EPHA3: variants seen among roughly 807,000 people sequenced by gnomAD.
The protein encoded by EPHA3 is ephrin type-A receptor 3.
Under a neutral mutation model 107.1 loss-of-function variants are expected in EPHA3, and 42 were observed. That is an observed-to-expected ratio of 0.39 (90% CI 0.31 to 0.51). The LOEUF (loss-of-function observed/expected upper bound fraction) is 0.51. Among genes scored for constraint, EPHA3 ranks in the 20% least tolerant of loss-of-function variants. The pLI is 0.78. For synonymous variants in EPHA3, 461 were observed against 424.8 expected (o/e 1.09, Z -1.05); for missense variants, 1,183 against 1,211.2 (o/e 0.98, Z 0.35).
intron 3 of EPHA3, among the ~76,000 whole-genome samples, chr3:89,277,317 A>G (rs1488707617): frequency 1.3e-5 from 2 of 152,174 alleles, no homozygotes; most frequent in South Asian, 2.1e-4. Flanking sequence ...CTATAAAGTA[A>G]CAGTATGAGA....
At position 89,481,680 on chromosome 3, in the gene EPHA3, T is replaced by C; in HGVS notation, c.*2178T>C. ...ATACTGTTCTTCATTTTATTAATATTTTTCTCCTTGACCTCTCATAAATTT... is the reference window on the plus strand; with the variant it reads ...ATACTGTTCTTCATTTTATTAATATCTTTCTCCTTGACCTCTCATAAATTT... On this transcript the variant is annotated 3_prime_UTR_variant, in exon 17 of 17. Transcript: ENST00000336596. 1 of 232,184 alleles carries C rather than the reference T, an allele frequency of 4.3e-6. No individual in the cohort carries two copies. The allele number at this position is 232,184 out of a possible 1,614,324, so 14.4% of individuals were successfully genotyped here.
intron 2 of EPHA3, among the ~76,000 whole-genome samples, chr3:89,206,174 AC>A (rs1050698676): frequency 2.0e-5 from 3 of 152,118 alleles, no homozygotes. Flanking sequence ...GCTCCTTGCA[AC>A]CTTTTATGTG....
intron 15 of EPHA3, among the ~76,000 whole-genome samples, chr3:89,455,264 GC>G (rs1163594277): frequency 6.6e-6 from 1 of 152,152 alleles, no homozygotes; most frequent in Non-Finnish European, 1.5e-5. Flanking sequence ...AGTCTGAGGA[GC>G]TGATGTTTGA....
intron 10 of EPHA3, among the ~76,000 whole-genome samples, chr3:89,415,546 T>C (rs1709230668): frequency 6.8e-6 from 1 of 147,824 alleles, no homozygotes; most frequent in African/African-American, 2.5e-5. Flanking sequence ...ATTGATGTTA[T>C]GGAAACTCTC....
chr3:89,335,690 C>T (rs1456007800), intron 3 of EPHA3, among the ~76,000 whole-genome samples: 1 of 152,080 alleles, frequency 6.6e-6, no homozygotes, highest in Non-Finnish European at 1.5e-5. Flanking sequence ...GTTCCTGCCA[C>T]AATTAACTAG....
chr3:89,205,477 T>C (rs1218758205), intron 2 of EPHA3, among the ~76,000 whole-genome samples: 1 of 152,178 alleles, frequency 6.6e-6, no homozygotes, highest in Non-Finnish European at 1.5e-5. Flanking sequence ...ATTTTCAGAA[T>C]GGACTGTCCA....
intron 5 of EPHA3, among the ~76,000 whole-genome samples, chr3:89,345,832 G>A (rs1340481764): frequency 1.6e-5 from 2 of 124,438 alleles, no homozygotes; most frequent in Non-Finnish European, 3.3e-5. Context: ...TGATCTCATT[G>A]TTCAATTCCC....
intron 3 of EPHA3, among the ~76,000 whole-genome samples, chr3:89,218,573 T>G (rs1704274759): frequency 6.6e-6 from 1 of 152,060 alleles, no homozygotes; most frequent in Non-Finnish European, 1.5e-5. Flanking sequence ...TCTTTGCTAT[T>G]GTGAATAGTG....
chr3:89,108,679 C>CA (rs1170270929), intron 1 of EPHA3, among the ~76,000 whole-genome samples: 1 of 152,110 alleles, frequency 6.6e-6, no homozygotes, highest in Non-Finnish European at 1.5e-5. Flanking sequence ...GGTTAAAGTG[C>CA]AAACCTAATG....
chr3:89,286,443 G>A (rs73846125), intron 3 of EPHA3, among the ~76,000 whole-genome samples: 2,448 of 152,130 alleles, frequency 0.016, 58 homozygotes, highest in African/African-American at 0.047. Context: ...TGGCAAAGGC[G>A]AAAGCAGGGA....
rs1230841982 is a variant in EPHA3 at position 89,472,341 on chromosome 3, C to T, written c.2691-123C>T. 6.6e-6 allele frequency: 7 copies of T among 1,057,712 alleles called. No homozygotes were observed. The East Asian group carries it at 1.7e-4, about 26-fold the overall frequency. The allele number at this position is 1,057,712 out of a possible 1,614,324, so 65.5% of individuals were successfully genotyped here. ...ATGAAGCTTTCATGGCAGATAAATT[C>T]CACAAATGAAAGGAACACCATATGA... On this transcript the variant is annotated intron_variant, in intron 15 of 16. Transcript: ENST00000336596.
intron 2 of EPHA3, among the ~76,000 whole-genome samples, chr3:89,183,076 G>A (rs746890748): frequency 2.0e-5 from 3 of 151,914 alleles, no homozygotes; most frequent in Admixed American, 6.6e-5. Flanking sequence ...AATCCTTGAA[G>A]TCAGAGTTCC....
At position 89,390,954 on chromosome 3, in the gene EPHA3, GT is replaced by G. The variant is rs964892904; in HGVS notation, c.1307-4876del. ...GGGTGCCCAGCACTACATCTGGCTC[GT>G]TTTTTTGTATTTTTAGTAGAGCCGG... is the stretch of plus-strand genomic sequence containing the variant. On this transcript the variant is annotated intron_variant, in intron 5 of 16. Coordinates refer to ENST00000336596, the MANE Select transcript of EPHA3 (RefSeq NM_005233.6). Among the ~76,000 whole-genome samples, 5 of 151,348 alleles carry G rather than the reference GT, an allele frequency of 3.3e-5. No individual in the cohort carries two copies. In the East Asian group the frequency reaches 7.9e-4, roughly 24 times the overall value.
At position 89,413,141 on chromosome 3, in the gene EPHA3, T is replaced by C. The variant is rs771851703; in HGVS notation, c.1763T>C (p.Leu588Ser). Reference protein sequence around the residue: ...EKRLHFGNGHLKLPGLRTYVD... With the variant: ...EKRLHFGNGHSKLPGLRTYVD... ...CGCCTTTCTTTCTTTCCTCAAACAG[T>C]AAAACTTCCAGGTCTCAGGACTTAT... Residue 588 changes from leucine to serine, a missense_variant and splice_region_variant, in exon 10 of 17, where the codon TTA becomes TCA. By Grantham distance (145) the Leu-to-Ser change is moderately radical (BLOSUM62 -2). Coordinates refer to ENST00000336596, the MANE Select transcript of EPHA3 (RefSeq NM_005233.6). The C allele has an allele frequency of 1.2e-6, 2 of 1,610,880 alleles. No homozygotes were observed. Among genetic ancestry groups the C allele is most frequent in the Non-Finnish European group, 1.7e-6 (2 of 1,177,866 alleles).
intron 1 of EPHA3, 38 bp from the exon 2 acceptor site, chr3:89,127,171 T>A: frequency 6.8e-7 from 1 of 1,469,254 alleles, no homozygotes; most frequent in Non-Finnish European, 9.5e-7. Context: ...AATAATTCAC[T>A]GTTATTAACT....
intron 2 of EPHA3, among the ~76,000 whole-genome samples, chr3:89,198,945 G>A (rs1705906656): frequency 6.6e-6 from 1 of 152,098 alleles, no homozygotes; most frequent in African/African-American, 2.4e-5. Context: ...CAATGTGCAT[G>A]GAATTTTCCT....
At chr3:89,336,522 A>G (rs372828728) in intron 3 of EPHA3, among the ~76,000 whole-genome samples, 47 of 152,274 alleles carry the variant, frequency 3.1e-4, no homozygotes, top group African/African-American at 1.0e-3. Flanking sequence ...ATTTATAGAG[A>G]TTGTTTCTTT....
chr3:89,338,096 C>A (rs1028600041), intron 3 of EPHA3, among the ~76,000 whole-genome samples: 1 of 152,186 alleles, frequency 6.6e-6, no homozygotes, highest in Non-Finnish European at 1.5e-5. Context: ...GTGTACATTT[C>A]TTTGCCCACC....
chr3:89,134,224 T>TAAAAA (rs200749972), intron 2 of EPHA3, among the ~76,000 whole-genome samples: 25 of 149,678 alleles, frequency 1.7e-4, no homozygotes, highest in African/African-American at 5.7e-4. Flanking sequence ...TTTTTTTTTT[T>TAAAAA]AAAAAAATTA....
Sources: gnomAD v4.1 joint callset for allele counts (sites outside exome capture counted in the v4.1 genomes callset) on GRCh38, gnomAD v4.1.1 for gene constraint, MANE v1.5 for transcripts, NCBI Gene and HGNC (gene_info 2026-07-23, HGNC 2026-07-21) for gene names.